The following SDK1 variants were observed in gnomAD, a reference collection of about 807,000 sequenced individuals.
SDK1 encodes the protein protein sidekick-1.
SDK1 carries 157 observed loss-of-function variants against 245.5 expected under a neutral mutation model. The observed-to-expected ratio is 0.64, with a 90% CI of 0.56 to 0.73. SDK1 has a LOEUF of 0.73. Ranked by LOEUF, SDK1 falls within the 30% of genes least tolerant of loss-of-function variation. The probability of loss-of-function intolerance (pLI) is 0.00; values close to 1 mark genes in which losing one functional copy is unlikely to be tolerated. For synonymous variants in SDK1, 1,647 were observed against 1,278.5 expected (o/e 1.29, Z -6.15); for missense variants, 3,583 against 3,002.3 (o/e 1.19, Z -4.52).
At chr7:3,468,566 C>G (rs1485126403) in intron 1 of SDK1, among the ~76,000 whole-genome samples, 5 of 152,186 alleles carry the variant, frequency 3.3e-5, no homozygotes, top group African/African-American at 9.6e-5. Context: ...AGAACATTGT[C>G]TGACCTACGG....
intron 19 of SDK1, among the ~76,000 whole-genome samples, chr7:4,061,260 C>A (rs933398052): frequency 1.3e-5 from 2 of 152,024 alleles, no homozygotes; most frequent in African/African-American, 2.4e-5. Flanking sequence ...GATATTGATT[C>A]TTCCTACCCA....
intron 4 of SDK1, among the ~76,000 whole-genome samples, chr7:3,694,064 T>C (rs988634403): frequency 5.3e-5 from 8 of 152,204 alleles, no homozygotes; most frequent in South Asian, 4.1e-4. Flanking sequence ...TCACCTTTTA[T>C]GATTTATGAT....
chr7:3,597,175 G>C (rs995286858), intron 1 of SDK1, among the ~76,000 whole-genome samples: 1 of 151,556 alleles, frequency 6.6e-6, no homozygotes, highest in African/African-American at 2.4e-5. Context: ...AGGAGGCCGA[G>C]GCAGGAGAAT....
chr7:3,573,661 G>A lies in SDK1; in HGVS notation c.299-45419G>A, dbSNP rs375301697. On this transcript the variant is annotated intron_variant, in intron 1 of 44. Transcript: ENST00000404826. The stretch of plus-strand genomic sequence containing the variant: ...TAATCAAATGATCTTCTTCCCAGGA[G>A]TTGAGTCGGTACTCCTGATTAGCTC... Among the ~76,000 whole-genome samples the A allele has an allele frequency of 1.2e-4, 18 of 152,132 alleles. No individual in the cohort carries two copies. In the East Asian group the frequency reaches 2.7e-3, roughly 23 times the overall value.
intron 17 of SDK1, among the ~76,000 whole-genome samples, chr7:4,020,575 G>A (rs1185550277): frequency 6.6e-6 from 1 of 152,188 alleles, no homozygotes; most frequent in Non-Finnish European, 1.5e-5. Context: ...GACAGAAAGG[G>A]ATCTGCCTAG....
At chr7:3,418,077 G>C (rs1181758525) in intron 1 of SDK1, among the ~76,000 whole-genome samples, 1 of 144,280 alleles carries the variant, frequency 6.9e-6, no homozygotes, top group Non-Finnish European at 1.5e-5. Flanking sequence ...AAAAATTCCT[G>C]ATCACTTGAG....
Position 4,014,667 on chromosome 7 carries a change from A to G in SDK1, c.2420+2432A>G, listed in dbSNP as rs945519689. On this transcript the variant is annotated intron_variant, in intron 16 of 44. Coordinates refer to ENST00000404826, the MANE Select transcript of SDK1 (RefSeq NM_152744.4). Reference sequence around the variant, plus strand: ...GCAGTAATAAAATATTTATAATAATAGGGAGGGTGTTTCTTTGAGAGGAGC... The same window carrying G: ...GCAGTAATAAAATATTTATAATAATGGGGAGGGTGTTTCTTTGAGAGGAGC... Among the ~76,000 whole-genome samples, 8 of 152,224 alleles carry G rather than the reference A, an allele frequency of 5.3e-5. No individual in the cohort carries two copies. In the South Asian group the frequency reaches 6.2e-4, roughly 12 times the overall value.
Position 3,602,452 on chromosome 7 carries a change from C to T in SDK1, c.299-16628C>T, listed in dbSNP as rs957232280. ...AGTGATGAGGAGCATTTTTTCATGT[C>T]TTTTGGCTGCATAAATGTCTTCTTT... On this transcript the variant is annotated intron_variant, in intron 1 of 44. Coordinates refer to ENST00000404826, the MANE Select transcript of SDK1 (RefSeq NM_152744.4). Among the ~76,000 whole-genome samples, 958 of 149,400 alleles carry T rather than the reference C, an allele frequency of 6.4e-3. 12 individuals carry two copies. The highest frequency in any genetic ancestry group is 0.023 in the African/African-American group (927 of 40,906).
chr7:3,765,362 C>A (rs1294067297), intron 4 of SDK1, among the ~76,000 whole-genome samples: 1 of 152,184 alleles, frequency 6.6e-6, no homozygotes, highest in Non-Finnish European at 1.5e-5. Context: ...TATTTGCATC[C>A]TTACCACCTT....
chr7:4,056,879 C>T (rs370635144), intron 19 of SDK1, among the ~76,000 whole-genome samples: 16 of 152,138 alleles, frequency 1.1e-4, no homozygotes, highest in African/African-American at 3.1e-4. Context: ...ACCATTCCGC[C>T]CCGGCTCCCG....
At chr7:3,926,693 C>G (rs1583574610) in intron 5 of SDK1, among the ~76,000 whole-genome samples, 2 of 152,154 alleles carry the variant, frequency 1.3e-5, no homozygotes, top group Non-Finnish European at 2.9e-5. Flanking sequence ...TGATTTTAGA[C>G]TCATCCCTTA....
intron 41 of SDK1, 36 bp downstream of exon 41, chr7:4,233,455 G>T (rs757483649): frequency 1.3e-6 from 2 of 1,589,504 alleles, no homozygotes; most frequent in East Asian, 4.5e-5. Context: ...TTCTTCTGGA[G>T]GACTAGAGGG....
At chr7:3,893,770 C>T (rs950492622) in intron 5 of SDK1, among the ~76,000 whole-genome samples, 3 of 151,768 alleles carry the variant, frequency 2.0e-5, no homozygotes, top group Non-Finnish European at 2.9e-5. Context: ...CCACATCTTA[C>T]CCTGCCTTCT....
intron 5 of SDK1, among the ~76,000 whole-genome samples, chr7:3,930,814 A>G (rs1779950521): frequency 6.6e-6 from 1 of 152,116 alleles, no homozygotes; most frequent in Non-Finnish European, 1.5e-5. Context: ...AAGAAAAGAA[A>G]AAAGAAAAGT....
intron 4 of SDK1, among the ~76,000 whole-genome samples, chr7:3,767,699 G>A (rs999759805): frequency 6.6e-6 from 1 of 152,068 alleles, no homozygotes; most frequent in African/African-American, 2.4e-5. Context: ...AGTTAGGAGG[G>A]GAAAATAGAA....
At chr7:3,712,110 A>T (rs1057499393) in intron 4 of SDK1, among the ~76,000 whole-genome samples, 1 of 152,096 alleles carries the variant, frequency 6.6e-6, no homozygotes, top group Non-Finnish European at 1.5e-5. Flanking sequence ...AGGCCAGTCC[A>T]TGGCCTGTTA....
chr7:3,821,718 G>T (rs182839338), intron 5 of SDK1, 135 bp downstream of exon 5: 42 of 844,166 alleles, frequency 5.0e-5, no homozygotes, highest in South Asian at 7.0e-5. Context: ...TATTGATCCA[G>T]TGCCAATAGT....
At chr7:4,031,439 C>T (rs1787811090) in intron 17 of SDK1, among the ~76,000 whole-genome samples, 2 of 151,966 alleles carry the variant, frequency 1.3e-5, no homozygotes, top group Non-Finnish European at 2.9e-5. Flanking sequence ...AGATTGTATC[C>T]AGAGAAAGAG....
chr7:3,368,621 C>G (rs1781149067), intron 1 of SDK1, among the ~76,000 whole-genome samples: 1 of 152,124 alleles, frequency 6.6e-6, no homozygotes, highest in South Asian at 2.1e-4. Flanking sequence ...CATTGTAGGA[C>G]TTGGAGAGCC....
Sources: allele counts gnomAD v4.1 joint callset (sites outside exome capture counted in the v4.1 genomes callset), GRCh38; gene constraint gnomAD v4.1.1; transcripts MANE v1.5; gene names NCBI Gene and HGNC (gene_info 2026-07-23, HGNC 2026-07-21).